The following NTM variants were observed in gnomAD, a reference collection of about 807,000 sequenced individuals.
NTM encodes IgLON family member 2.
Under a neutral mutation model 42.1 loss-of-function variants are expected in NTM, and 13 were observed. That is an observed-to-expected ratio of 0.31 (90% CI 0.20 to 0.49). The LOEUF (loss-of-function observed/expected upper bound fraction) is 0.49. NTM is among the 20% of genes least tolerant of loss of function. The probability of loss-of-function intolerance (pLI) is 0.99; values close to 1 mark genes in which losing one functional copy is unlikely to be tolerated. For missense variants in NTM, 373 were observed against 452.8 expected, an observed-to-expected ratio of 0.82 and a Z score of 1.60; for synonymous variants, 187 against 179.2, an observed-to-expected ratio of 1.04 and a Z score of -0.35.
At chr11:131,887,868 A>G (rs1448088449) in intron 1 of NTM, among the ~76,000 whole-genome samples, 3 of 152,154 alleles carry the variant, frequency 2.0e-5, no homozygotes, top group Admixed American at 1.3e-4. Context: ...TTATATGAAG[A>G]AGGTACTATT....
intron 2 of NTM, among the ~76,000 whole-genome samples, chr11:131,996,521 A>G (rs1247354862): frequency 6.6e-6 from 1 of 152,040 alleles, no homozygotes; most frequent in African/African-American, 2.4e-5. Flanking sequence ...TTAAGATGCT[A>G]CTCAAATCCC....
intron 1 of NTM, chr11:131,770,786 A>G (rs1405506710): frequency 6.6e-6 from 1 of 152,172 alleles, no homozygotes; most frequent in African/African-American, 2.4e-5. Context: ...CCTCGTTAGC[A>G]TCACCACCAG....
intron 3 of NTM, among the ~76,000 whole-genome samples, chr11:132,205,119 C>T (rs957760252): frequency 1.4e-4 from 22 of 152,220 alleles, no homozygotes; most frequent in East Asian, 5.8e-4. Flanking sequence ...GAGAACTGCC[C>T]GGAGGAGATG....
At chr11:131,496,474 T>C (rs1375735086) in intron 1 of NTM, among the ~76,000 whole-genome samples, 2 of 152,338 alleles carry the variant, frequency 1.3e-5, no homozygotes, top group East Asian at 3.9e-4. Flanking sequence ...GAAAAATCCC[T>C]GGGCAGGCCA....
chr11:132,227,437 C>T (rs2086546818), intron 4 of NTM, among the ~76,000 whole-genome samples: 1 of 152,098 alleles, frequency 6.6e-6, no homozygotes, highest in Non-Finnish European at 1.5e-5. Context: ...AGTTTCACTA[C>T]AAAGGGAAGC....
chr11:132,111,076 A>G (rs1437959868), intron 2 of NTM, among the ~76,000 whole-genome samples: 19 of 12,274 alleles, frequency 1.5e-3, no homozygotes, highest in South Asian at 8.2e-3. Context: ...AAAAAAAAAA[A>G]AAAAAAAAAA....
At chr11:131,404,806 G>A (rs1185502700) in intron 1 of NTM, among the ~76,000 whole-genome samples, 1 of 152,084 alleles carries the variant, frequency 6.6e-6, no homozygotes, top group African/African-American at 2.4e-5. Flanking sequence ...GGCATTGCTG[G>A]TACTACATGT....
At chr11:132,171,168 G>T (rs1341567505) in intron 3 of NTM, among the ~76,000 whole-genome samples, 1 of 152,134 alleles carries the variant, frequency 6.6e-6, no homozygotes, top group Non-Finnish European at 1.5e-5. Flanking sequence ...GATGTTAGCT[G>T]ACTTTTCCCC....
chr11:132,240,497 T>C (rs564710427), intron 4 of NTM, among the ~76,000 whole-genome samples: 1 of 152,366 alleles, frequency 6.6e-6, no homozygotes, highest in South Asian at 2.1e-4. Context: ...TGGGCATTAC[T>C]AACTTGACTC....
At chr11:131,622,471 ATAAT>A (rs907674716) in intron 1 of NTM, among the ~76,000 whole-genome samples, 2 of 152,210 alleles carry the variant, frequency 1.3e-5, no homozygotes, top group East Asian at 1.9e-4. Context: ...GAATGAACAA[ATAAT>A]TTATTTCTTA....
chr11:131,376,694 G>A (rs1162222676), intron 1 of NTM, among the ~76,000 whole-genome samples: 3 of 149,102 alleles, frequency 2.0e-5, no homozygotes, highest in Non-Finnish European at 3.0e-5. Context: ...TAGCTTCAGT[G>A]AGAGTATTGC....
At chr11:131,970,352 G>A (rs1383534351) in intron 2 of NTM, among the ~76,000 whole-genome samples, 1 of 152,180 alleles carries the variant, frequency 6.6e-6, no homozygotes, top group Non-Finnish European at 1.5e-5. Flanking sequence ...GGGACCTCTT[G>A]CCACTCTGCA....
intron 4 of NTM, among the ~76,000 whole-genome samples, chr11:132,254,698 T>G (rs562593012): frequency 3.3e-5 from 5 of 152,290 alleles, no homozygotes; most frequent in African/African-American, 1.2e-4. Context: ...ACCACCATTC[T>G]GTGGTGATGG....
intron 1 of NTM, among the ~76,000 whole-genome samples, chr11:131,698,176 T>C (rs928356983): frequency 6.6e-6 from 1 of 152,192 alleles, no homozygotes; most frequent in African/African-American, 2.4e-5. Flanking sequence ...TCCAACCTTA[T>C]GGAACATTCC....
chr11:131,459,701 C>G (rs1054257557), intron 1 of NTM, among the ~76,000 whole-genome samples: 1 of 152,092 alleles, frequency 6.6e-6, no homozygotes, highest in African/African-American at 2.4e-5. Context: ...TGAATTTGTA[C>G]CTAGTTGAAT....
At chr11:131,394,858 G>C (rs1447616141) in intron 1 of NTM, among the ~76,000 whole-genome samples, 1 of 152,146 alleles carries the variant, frequency 6.6e-6, no homozygotes, top group Non-Finnish European at 1.5e-5. Flanking sequence ...GGGTGTCAAT[G>C]GTGCACTAAG....
intron 1 of NTM, among the ~76,000 whole-genome samples, chr11:131,876,662 AC>A (rs1164377405): frequency 6.6e-6 from 1 of 152,196 alleles, no homozygotes; most frequent in Non-Finnish European, 1.5e-5. Context: ...AAGAGATATC[AC>A]TTATGCTACT....
At chr11:132,239,773 T>A (rs1428539204) in intron 4 of NTM, among the ~76,000 whole-genome samples, 1 of 152,216 alleles carries the variant, frequency 6.6e-6, no homozygotes, top group Non-Finnish European at 1.5e-5. Flanking sequence ...ATGTGTTTCA[T>A]CCTCTATAAG....
intron 1 of NTM, among the ~76,000 whole-genome samples, chr11:131,479,562 T>C (rs528099993): frequency 6.6e-6 from 1 of 152,322 alleles, no homozygotes; most frequent in Admixed American, 6.5e-5. Flanking sequence ...ACTCCTCACC[T>C]TGGGCCCTAG....
Sources: allele counts gnomAD v4.1 joint callset (sites outside exome capture counted in the v4.1 genomes callset), GRCh38; gene constraint gnomAD v4.1.1; transcripts MANE v1.5; gene names NCBI Gene and HGNC (gene_info 2026-07-23, HGNC 2026-07-21).